Variants in RABGEF1 observed in about 807,000 individuals in gnomAD.
RABGEF1 encodes rab5 GDP/GTP exchange factor.
In RABGEF1, 26 loss-of-function variants were observed where a neutral mutation model predicts 57.3. The ratio of observed to expected loss-of-function variants is 0.45; its 90% CI spans 0.33 to 0.63. RABGEF1 has a LOEUF of 0.63. RABGEF1 is among the 20% of genes least tolerant of loss of function. The pLI is 0.02. For missense variants in RABGEF1, 464 were observed against 607.6 expected, an observed-to-expected ratio of 0.76 and a Z score of 2.48; for synonymous variants, 185 against 210.7, an observed-to-expected ratio of 0.88 and a Z score of 1.06.
chr7:66,783,266 A>T (rs1286528302), intron 3 of RABGEF1, among the ~76,000 whole-genome samples: 2 of 152,236 alleles, frequency 1.3e-5, no homozygotes, highest in East Asian at 3.8e-4. Context: ...GACATTTATA[A>T]GTCATTTAAC....
intron 5 of RABGEF1, 50 bp from the exon 6 acceptor site, chr7:66,797,324 G>C: frequency 8.9e-7 from 1 of 1,129,278 alleles, no homozygotes; most frequent in Non-Finnish European, 1.2e-6. Flanking sequence ...AAAAAAAAGA[G>C]AGAGAAAAAA....
At chr7:66,751,032 C>CTTT (rs765625657) in intron 1 of RABGEF1, among the ~76,000 whole-genome samples, 13 of 142,868 alleles carry the variant, frequency 9.1e-5, no homozygotes, top group Non-Finnish European at 1.7e-4. Context: ...CTCTTTTTTT[C>CTTT]TTTTTTTTTT....
chr7:66,737,854 G>C (rs936530260), upstream of RABGEF1, among the ~76,000 whole-genome samples: 5 of 152,074 alleles, frequency 3.3e-5, no homozygotes, highest in African/African-American at 1.2e-4. Context: ...ACAGGTTAGC[G>C]GTGTCAGGAG....
the RABGEF1 span, among the ~76,000 whole-genome samples, chr7:66,663,155 C>T: frequency 1.3e-5 from 2 of 152,250 alleles, no homozygotes; most frequent in Non-Finnish European, 2.9e-5. Context: ...CCAACCTATT[C>T]CTTTAATTCA....
intron 7 of RABGEF1, among the ~76,000 whole-genome samples, chr7:66,804,410 G>T (rs565166416): frequency 5.5e-4 from 83 of 152,232 alleles, no homozygotes; most frequent in African/African-American, 1.9e-3. Context: ...CCTTCTCCAT[G>T]GAGCTCAGAG....
upstream of RABGEF1, among the ~76,000 whole-genome samples, chr7:66,681,313 T>G (rs1237982053): frequency 6.6e-6 from 1 of 152,080 alleles, no homozygotes; most frequent in African/African-American, 2.4e-5. Flanking sequence ...ATAAAGAAAG[T>G]AAACAGTATC....
intron 1 of RABGEF1, among the ~76,000 whole-genome samples, chr7:66,744,667 CAAAAAAA>C (rs774941950): frequency 2.8e-5 from 2 of 71,054 alleles, no homozygotes; most frequent in Non-Finnish European, 5.6e-5. Context: ...GACTCCGTCT[CAAAAAAA>C]AAAAAAAAAA....
intron 1 of RABGEF1, among the ~76,000 whole-genome samples, chr7:66,758,572 G>A (rs1274869262): frequency 6.6e-6 from 1 of 152,182 alleles, no homozygotes; most frequent in Non-Finnish European, 1.5e-5. Flanking sequence ...TCTAGGGACA[G>A]GTCTGTCTGC....
At chr7:66,686,284 A>C (rs1056476648) in intron 1 of RABGEF1, among the ~76,000 whole-genome samples, 6 of 151,508 alleles carry the variant, frequency 4.0e-5, no homozygotes, top group African/African-American at 7.3e-5. Flanking sequence ...CTGTCTCAAA[A>C]AAAAAAAAAA....
intron 1 of RABGEF1, among the ~76,000 whole-genome samples, chr7:66,755,237 T>C (rs1437317086): frequency 6.6e-6 from 1 of 151,970 alleles, no homozygotes; most frequent in Non-Finnish European, 1.5e-5. Flanking sequence ...GAGCTTGCAG[T>C]GAGCTGAGAT....
chr7:66,686,606 TATA>T (rs1036487584), intron 1 of RABGEF1, among the ~76,000 whole-genome samples: 102 of 152,232 alleles, frequency 6.7e-4, no homozygotes, highest in Non-Finnish European at 7.3e-4. Context: ...AGACTGTTGT[TATA>T]ATACGTAAAC....
chr7:66,682,867 T>C (rs1789991240), intron 1 of RABGEF1, among the ~76,000 whole-genome samples: 1 of 152,134 alleles, frequency 6.6e-6, no homozygotes, highest in Non-Finnish European at 1.5e-5. Flanking sequence ...CCGAACCGTC[T>C]GGGAGGAGAG....
chr7:66,767,000 CTTTT>C (rs34123866), intron 1 of RABGEF1, among the ~76,000 whole-genome samples: 3 of 102,600 alleles, frequency 2.9e-5, no homozygotes. Flanking sequence ...TGTCAAGTTT[CTTTT>C]TTTTTTTTTT....
intron 4 of RABGEF1, among the ~76,000 whole-genome samples, chr7:66,790,549 T>C (rs1321555670): frequency 6.6e-6 from 1 of 152,202 alleles, no homozygotes; most frequent in Non-Finnish European, 1.5e-5. Context: ...GGTTCAAGCA[T>C]GGGCAGCCCC....
chr7:66,735,807 C>T (rs1797883244), upstream of RABGEF1, among the ~76,000 whole-genome samples: 1 of 152,154 alleles, frequency 6.6e-6, no homozygotes, highest in Non-Finnish European at 1.5e-5. Flanking sequence ...CCTCCAGAAG[C>T]GTGAGCCAAT....
intron 7 of RABGEF1, among the ~76,000 whole-genome samples, chr7:66,800,263 A>G (rs74714890): frequency 6.6e-6 from 1 of 152,290 alleles, no homozygotes; most frequent in East Asian, 1.9e-4. Flanking sequence ...TTAAGGTATT[A>G]TCAGGGTTAT....
In RABGEF1 at chr7:66,685,821, T is replaced by C. The variant is rs1291129349; in HGVS notation, c.-873+3563T>C. Reference sequence around the variant, plus strand: ...AGAGACATAGAATTTCAGTCTTGACTGTGTGAGTTTAATTTCTGGCACGTG... The same window carrying C: ...AGAGACATAGAATTTCAGTCTTGACCGTGTGAGTTTAATTTCTGGCACGTG... On this transcript the variant is annotated intron_variant and NMD_transcript_variant, in intron 1 of 9. Transcript: ENST00000607882. Among the ~76,000 whole-genome samples the C allele has an allele frequency of 3.2e-4, 49 of 152,224 alleles. 1 individual carries two copies. The highest frequency in any genetic ancestry group is 3.2e-3 in the Admixed American group (49 of 15,276).
At chr7:66,775,110 A>T in intron 2 of RABGEF1, 117 bp from the exon 3 acceptor site, 2 of 1,122,208 alleles carry the variant, frequency 1.8e-6, no homozygotes, top group Non-Finnish European at 2.5e-6. Context: ...GATTTGGCAT[A>T]TTTAGTCTCT....
At chr7:66,722,511 A>T (rs1178288731) in intron 2 of RABGEF1, among the ~76,000 whole-genome samples, 1 of 152,216 alleles carries the variant, frequency 6.6e-6, no homozygotes, top group East Asian at 1.9e-4. Flanking sequence ...CAAAGTTTTA[A>T]ATTTTGATGA....
Sources: gnomAD v4.1 joint callset for allele counts (sites outside exome capture counted in the v4.1 genomes callset) on GRCh38, gnomAD v4.1.1 for gene constraint, MANE v1.5 for transcripts, NCBI Gene and HGNC (gene_info 2026-07-23, HGNC 2026-07-21) for gene names.